MALRD1: variants seen among roughly 807,000 people sequenced by gnomAD.
MALRD1 encodes the protein MAM and LDL-receptor class A domain-containing protein 1.
In MALRD1, 247 loss-of-function variants were observed where a neutral mutation model predicts 242.1. The ratio of observed to expected loss-of-function variants is 1.02; its 90% CI spans 0.92 to 1.13. The LOEUF is 1.13. MALRD1 is among the 50% of genes most tolerant of loss of function. MALRD1 has a pLI of 0.00. For synonymous variants in MALRD1, 995 were observed against 866.6 expected (o/e 1.15, Z -2.60); for missense variants, 2,989 against 2,533.1 (o/e 1.18, Z -3.86).
At chr10:19,293,284 A>ACATATAT (rs1021436929) in intron 21 of MALRD1, among the ~76,000 whole-genome samples, 2 of 152,086 alleles carry the variant, frequency 1.3e-5, no homozygotes, top group Non-Finnish European at 2.9e-5. Flanking sequence ...ATATACATAT[A>ACATATAT]TTTTTTTGCC....
rs3045358 is a variant in MALRD1 at position 19,485,646 on chromosome 10, TA to T, written c.5030-5858del. On this transcript the variant is annotated intron_variant, in intron 29 of 39. Transcript: ENST00000454679. ...CGACAGAGCAAGACTCCGTCTCAATTAAAAAAAAAAAAATAGTAATAATAAT... is the reference window on the plus strand; with the variant it reads ...CGACAGAGCAAGACTCCGTCTCAATTAAAAAAAAAAAATAGTAATAATAAT... Among the ~76,000 whole-genome samples the T allele has an allele frequency of 2.0e-3, 293 of 145,418 alleles. 4 individuals carry two copies. The highest frequency in any genetic ancestry group is 5.6e-3 in the African/African-American group (220 of 39,592).
chr10:19,354,988 A>C (rs1033472470), intron 26 of MALRD1, among the ~76,000 whole-genome samples: 12 of 152,186 alleles, frequency 7.9e-5, no homozygotes, highest in Admixed American at 6.6e-4. Flanking sequence ...GAGGATATCT[A>C]ATTTGAAATG....
At chr10:19,703,580 A>T (rs1334538955) in intron 38 of MALRD1, among the ~76,000 whole-genome samples, 1 of 152,228 alleles carries the variant, frequency 6.6e-6, no homozygotes, top group Non-Finnish European at 1.5e-5. Flanking sequence ...CATCAAATCT[A>T]TATCTGTAAA....
intron 4 of MALRD1, among the ~76,000 whole-genome samples, chr10:19,097,023 A>C (rs1225677515): frequency 1.3e-5 from 2 of 152,220 alleles, no homozygotes; most frequent in African/African-American, 4.8e-5. Context: ...AGACGGAAGC[A>C]TTTCAGAGAG....
intron 16 of MALRD1, 86 bp from the exon 17 acceptor site, chr10:19,204,812 C>A: frequency 7.6e-7 from 1 of 1,322,882 alleles, no homozygotes. Flanking sequence ...TTAAAATTGA[C>A]TGTTGACTGA....
chr10:19,535,272 T>G (rs905952973), intron 32 of MALRD1, among the ~76,000 whole-genome samples: 1 of 152,152 alleles, frequency 6.6e-6, no homozygotes, highest in African/African-American at 2.4e-5. Context: ...ATATAGTACA[T>G]TCGGTCATAC....
intron 29 of MALRD1, among the ~76,000 whole-genome samples, chr10:19,471,984 C>T (rs962072385): frequency 3.3e-5 from 5 of 151,854 alleles, no homozygotes; most frequent in Admixed American, 2.6e-4. Context: ...TAAGAGTGGG[C>T]ATTCTTGCTT....
chr10:19,480,113 G>T (rs1251627587), intron 29 of MALRD1, among the ~76,000 whole-genome samples: 2 of 152,216 alleles, frequency 1.3e-5, no homozygotes, highest in East Asian at 3.8e-4. Flanking sequence ...CGTGAAAGAA[G>T]ATGGTGTGCA....
intron 26 of MALRD1, among the ~76,000 whole-genome samples, chr10:19,355,859 T>TATATATATATATATATATATATAA (rs1348787430): frequency 5.5e-5 from 1 of 18,262 alleles, no homozygotes. Flanking sequence ...ATATATATAT[T>TATATATATATATATATATATATAA]ATATATGATA....
At chr10:19,337,736 A>G (rs2130943711) in intron 24 of MALRD1, among the ~76,000 whole-genome samples, 1 of 152,146 alleles carries the variant, frequency 6.6e-6, no homozygotes, top group African/African-American at 2.4e-5. Flanking sequence ...TTAGTTTTAT[A>G]GCAATTTTAG....
chr10:19,732,284 C>T (rs747506543), intron 39 of MALRD1, among the ~76,000 whole-genome samples: 1 of 151,984 alleles, frequency 6.6e-6, no homozygotes, highest in Non-Finnish European at 1.5e-5. Flanking sequence ...TTTTTTGAGA[C>T]GGAGTTTCAC....
At chr10:19,105,484 A>C (rs879774404) in intron 5 of MALRD1, among the ~76,000 whole-genome samples, 2 of 152,040 alleles carry the variant, frequency 1.3e-5, no homozygotes, top group Non-Finnish European at 2.9e-5. Context: ...ATGGGAATGC[A>C]AAAATCTCTT....
In MALRD1 at chr10:19,531,281, C is replaced by G. The variant is rs1488850528; in HGVS notation, c.5408C>G (p.Ala1803Gly). 1.3e-6 allele frequency: 2 copies of G among 1,550,368 alleles called. No individual in the cohort carries two copies. Among genetic ancestry groups the G allele is most frequent in the East Asian group, 4.9e-5 (2 of 40,904 alleles). Reference sequence around the variant, plus strand: ...ATTACTACTTCCAAATCCTTCCCAGCAAGCCTTGGAATGTGTACTGTTCGG... The same window carrying G: ...ATTACTACTTCCAAATCCTTCCCAGGAAGCCTTGGAATGTGTACTGTTCGG... ...ARITTSKSFP[A>G]SLGMCTVRFW... The change falls in exon 32 of 40, where the codon GCA becomes GGA. Residue 1803 changes from alanine (A) to glycine (G), a missense_variant. Coordinates refer to ENST00000454679, the MANE Select transcript of MALRD1 (RefSeq NM_001142308.3).
chr10:19,724,616 A>G (rs901287704), intron 38 of MALRD1, among the ~76,000 whole-genome samples: 7 of 152,216 alleles, frequency 4.6e-5, no homozygotes, highest in African/African-American at 2.4e-5. Context: ...AAACTGTCCA[A>G]CATTGCCATC....
intron 7 of MALRD1, 30 bp downstream of exon 7, chr10:19,124,700 T>A: frequency 8.1e-7 from 1 of 1,232,068 alleles, no homozygotes; most frequent in Non-Finnish European, 1.0e-6. Flanking sequence ...CTTTTATGTA[T>A]TACTTTCAGA....
chr10:19,266,435 T>TAGG (rs1245016130), intron 19 of MALRD1, among the ~76,000 whole-genome samples: 1 of 151,970 alleles, frequency 6.6e-6, no homozygotes, highest in Non-Finnish European at 1.5e-5. Context: ...AGCTTATAGT[T>TAGG]ACAACGATTC....
intron 2 of MALRD1, among the ~76,000 whole-genome samples, chr10:19,079,355 G>A (rs1170625188): frequency 6.6e-6 from 1 of 151,652 alleles, no homozygotes; most frequent in African/African-American, 2.4e-5. Context: ...TGTATGATTT[G>A]TATGCTCTTA....
chr10:19,477,650 C>A (rs556437248), intron 29 of MALRD1, among the ~76,000 whole-genome samples: 1 of 152,104 alleles, frequency 6.6e-6, no homozygotes, highest in Non-Finnish European at 1.5e-5. Context: ...AAAAGAATAG[C>A]GCTCTTTCTT....
chr10:19,581,119 T>C (rs1255667886), intron 33 of MALRD1, among the ~76,000 whole-genome samples: 1 of 152,192 alleles, frequency 6.6e-6, no homozygotes, highest in Non-Finnish European at 1.5e-5. Flanking sequence ...AGCACAAAGT[T>C]ATAATTCACA....
Sources: allele counts gnomAD v4.1 joint callset (sites outside exome capture counted in the v4.1 genomes callset), GRCh38; gene constraint gnomAD v4.1.1; transcripts MANE v1.5; gene names NCBI Gene and HGNC (gene_info 2026-07-23, HGNC 2026-07-21).